Variants in TGFBR3 observed in about 807,000 individuals in gnomAD.
The protein encoded by TGFBR3 is transforming growth factor beta receptor type 3.
A neutral mutation model predicts 87.9 loss-of-function variants in TGFBR3; 46 were observed. The observed-to-expected ratio is 0.52, with a 90% CI of 0.41 to 0.67. The LOEUF (loss-of-function observed/expected upper bound fraction) is 0.67. Among genes scored for constraint, TGFBR3 ranks in the 30% least tolerant of loss-of-function variants. TGFBR3 has a pLI of 0.00. For synonymous variants in TGFBR3, 381 were observed against 391.6 expected (o/e 0.97, Z 0.32); for missense variants, 866 against 1,041.9 (o/e 0.83, Z 2.32).
At chr1:91,723,987 A>G (rs1672462231) in intron 7 of TGFBR3, among the ~76,000 whole-genome samples, 1 of 152,218 alleles carries the variant, frequency 6.6e-6, no homozygotes, top group Non-Finnish European at 1.5e-5. Flanking sequence ...GGCTGAAGCC[A>G]CATATATTTC....
chr1:91,748,436 G>C (rs1571469470), intron 4 of TGFBR3, among the ~76,000 whole-genome samples: 1 of 152,156 alleles, frequency 6.6e-6, no homozygotes, highest in Non-Finnish European at 1.5e-5. Context: ...CTTGGGAAAG[G>C]GGTCAAGAAA....
intron 16 of TGFBR3, among the ~76,000 whole-genome samples, chr1:91,687,162 T>A (rs550279082): frequency 4.2e-4 from 64 of 152,174 alleles, no homozygotes; most frequent in African/African-American, 1.3e-3. Flanking sequence ...CAGAGATGCC[T>A]CAAGAAATAG....
chr1:91,785,573 T>C (rs1295174546), intron 3 of TGFBR3, among the ~76,000 whole-genome samples: 1 of 152,174 alleles, frequency 6.6e-6, no homozygotes, highest in Non-Finnish European at 1.5e-5. Flanking sequence ...ACCCTTGATC[T>C]GTCCACCAGC....
In TGFBR3 at chr1:91,683,838, C is replaced by G. The variant is rs774915438; in HGVS notation, c.2457G>C (p.Gln819His). The G allele has an allele frequency of 6.2e-7, 1 of 1,603,142 alleles. No individual in the cohort carries two copies. Among genetic ancestry groups the G allele is most frequent in the Admixed American group, 1.7e-5 (1 of 58,612 alleles). The stretch of plus-strand genomic sequence containing the variant: ...AGGCTGGCGGGGAGGTGGGGACTTG[C>G]TGCCTTCCTGCTGTCTCCCCTGCAG... The part of the protein sequence containing the change: ...YSHTGETAGR[Q>H]QVPTSPPASE... The change falls in exon 17 of 17, where the codon CAG becomes CAC. Residue 819 changes from glutamine to histidine, a missense_variant. By Grantham distance (24) the Gln-to-His change is conservative. Transcript: ENST00000212355.
chr1:91,697,017 C>T (rs1221252387), intron 15 of TGFBR3, among the ~76,000 whole-genome samples: 7 of 152,104 alleles, frequency 4.6e-5, no homozygotes, highest in South Asian at 2.1e-4. Context: ...CTGAAAAATG[C>T]GGATAGCTTT....
At chr1:91,895,536 G>T (rs1325658770) in intron 2 of TGFBR3, among the ~76,000 whole-genome samples, 1 of 152,058 alleles carries the variant, frequency 6.6e-6, no homozygotes, top group African/African-American at 2.4e-5. Context: ...GACCAGGCTA[G>T]TCTCAAACTC....
In TGFBR3 at chr1:91,683,839, T is replaced by C. The variant is rs1360790252; in HGVS notation, c.2456A>G (p.Gln819Arg). The change falls in exon 17 of 17, where the codon CAG becomes CGG. Residue 819 changes from glutamine (Q) to arginine (R), a missense_variant. By Grantham distance (43) the Gln-to-Arg change is conservative (BLOSUM62 1). Transcript: ENST00000212355. ...GGCTGGCGGGGAGGTGGGGACTTGC[T>C]GCCTTCCTGCTGTCTCCCCTGCAGT... is the stretch of plus-strand genomic sequence containing the variant. ...YSHTGETAGRQQVPTSPPASE... is the reference protein window; with the variant it reads ...YSHTGETAGRRQVPTSPPASE... 1 of 1,603,584 alleles carries C rather than the reference T, an allele frequency of 6.2e-7. No individual in the cohort carries two copies. The highest frequency in any genetic ancestry group is 8.5e-7 in the Non-Finnish European group (1 of 1,175,086).
chr1:91,747,610 C>T (rs1673389237), intron 4 of TGFBR3, among the ~76,000 whole-genome samples: 1 of 152,194 alleles, frequency 6.6e-6, no homozygotes, highest in Non-Finnish European at 1.5e-5. Context: ...CTGTGATGGT[C>T]AGTTTTATAT....
chr1:91,794,495 G>A (rs765593524), intron 3 of TGFBR3, among the ~76,000 whole-genome samples: 4 of 148,448 alleles, frequency 2.7e-5, no homozygotes, highest in South Asian at 2.2e-4. Flanking sequence ...GAGCCACCTC[G>A]CCCGGCCTCC....
intron 6 of TGFBR3, 22 bp downstream of exon 6, chr1:91,729,783 T>G (rs1557680668): frequency 6.2e-7 from 1 of 1,613,884 alleles, no homozygotes; most frequent in Admixed American, 1.7e-5. Flanking sequence ...CTTGTCACAC[T>G]CACACACTTA....
intron 2 of TGFBR3, 100 bp from the exon 3 acceptor site, chr1:91,797,571 C>G: frequency 7.7e-7 from 1 of 1,304,094 alleles, no homozygotes; most frequent in Middle Eastern, 1.9e-4. Flanking sequence ...ACCAGAGATG[C>G]CTTTCCAGGT....
intron 2 of TGFBR3, among the ~76,000 whole-genome samples, chr1:91,850,485 C>T (rs1374941873): frequency 2.0e-5 from 3 of 152,090 alleles, no homozygotes; most frequent in Non-Finnish European, 4.4e-5. Context: ...ATGATGAAAA[C>T]AACACAGCAG....
At chr1:91,749,549 C>T (rs1673464157) in intron 4 of TGFBR3, among the ~76,000 whole-genome samples, 1 of 152,198 alleles carries the variant, frequency 6.6e-6, no homozygotes, top group South Asian at 2.1e-4. Context: ...GAAGTAGCTT[C>T]CAAGCTAGAG....
chr1:91,799,431 C>T (rs1287751525), intron 2 of TGFBR3, among the ~76,000 whole-genome samples: 3 of 152,228 alleles, frequency 2.0e-5, no homozygotes, highest in Admixed American at 2.0e-4. Context: ...TGGGCAGGTG[C>T]TCCCTCTGCT....
chr1:91,709,854 T>C (rs895363207), intron 13 of TGFBR3, among the ~76,000 whole-genome samples: 3 of 152,138 alleles, frequency 2.0e-5, no homozygotes, highest in African/African-American at 7.2e-5. Flanking sequence ...CTTGGCCTCA[T>C]GGGCTCAAGT....
At chr1:91,689,379 C>T (rs954074438) in intron 16 of TGFBR3, among the ~76,000 whole-genome samples, 1 of 152,128 alleles carries the variant, frequency 6.6e-6, no homozygotes, top group Non-Finnish European at 1.5e-5. Context: ...TATTCTCTTC[C>T]TCTGAATATA....
intron 8 of TGFBR3, among the ~76,000 whole-genome samples, chr1:91,721,207 G>C (rs909071677): frequency 1.3e-5 from 2 of 152,152 alleles, no homozygotes; most frequent in Admixed American, 1.3e-4. Flanking sequence ...ATAAGTCATA[G>C]CTTTGTAGGG....
Position 91,733,751 on chromosome 1 carries a change from G to C in TGFBR3, c.568+1025C>G, listed in dbSNP as rs778506633. Among the ~76,000 whole-genome samples, 7 of 152,080 alleles carry C rather than the reference G, an allele frequency of 4.6e-5. No individual in the cohort carries two copies. In the South Asian group the frequency reaches 1.0e-3, roughly 23 times the overall value. On this transcript the variant is annotated intron_variant, in intron 5 of 16. Coordinates refer to ENST00000212355, the MANE Select transcript of TGFBR3 (RefSeq NM_003243.5). Reference sequence around the variant, plus strand: ...TGAAAATAATGATTTTTAAAAAAAGGTCTGGCCAGGTGCGGTGGCTCATGC... The same window carrying C: ...TGAAAATAATGATTTTTAAAAAAAGCTCTGGCCAGGTGCGGTGGCTCATGC...
chr1:91,708,648 C>A lies in TGFBR3; in HGVS notation c.2287+15G>T, dbSNP rs1054793202. On this transcript the variant is annotated intron_variant, in intron 14 of 16. Coordinates refer to ENST00000212355, the MANE Select transcript of TGFBR3 (RefSeq NM_003243.5). ...GCTCAGGCCCCATGCTCTGATCGTGCCTCCCAAAGCACACCTTTAGATTCT... is the reference window on the plus strand; with the variant it reads ...GCTCAGGCCCCATGCTCTGATCGTGACTCCCAAAGCACACCTTTAGATTCT... The A allele has an allele frequency of 6.2e-7, 1 of 1,613,780 alleles. No individual in the cohort carries two copies. The highest frequency in any genetic ancestry group is 1.7e-5 in the Admixed American group (1 of 60,002).
Sources: allele counts gnomAD v4.1 joint callset (sites outside exome capture counted in the v4.1 genomes callset), GRCh38; gene constraint gnomAD v4.1.1; transcripts MANE v1.5; gene names NCBI Gene and HGNC (gene_info 2026-07-23, HGNC 2026-07-21).